Variants in CHCHD6 observed in about 807,000 individuals in gnomAD.
CHCHD6 encodes the protein coiled-coil-helix-coiled-coil-helix domain containing 6.
A neutral mutation model predicts 32.3 loss-of-function variants in CHCHD6; 28 were observed. The observed-to-expected ratio is 0.87, with a 90% CI of 0.64 to 1.19. CHCHD6 has a LOEUF of 1.19. Among genes scored for constraint, CHCHD6 ranks in the 50% most tolerant of loss-of-function variants. The pLI is 0.00. For missense variants in CHCHD6, 333 were observed against 307.0 expected (o/e 1.08, Z -0.63); for synonymous variants, 122 against 117.5 (o/e 1.04, Z -0.25).
chr3:126,931,622 G>C (rs574077691), intron 6 of CHCHD6, among the ~76,000 whole-genome samples: 1 of 152,262 alleles, frequency 6.6e-6, no homozygotes, highest in East Asian at 1.9e-4. Context: ...GGTCATTTTA[G>C]GTAGACATGC....
intron 5 of CHCHD6, among the ~76,000 whole-genome samples, chr3:126,901,110 A>C (rs2077920650): frequency 6.6e-6 from 1 of 152,216 alleles, no homozygotes; most frequent in African/African-American, 2.4e-5. Flanking sequence ...GGCACAGAGC[A>C]GGTGCTGAAA....
intron 4 of CHCHD6, among the ~76,000 whole-genome samples, chr3:126,743,010 C>T (rs531028975): frequency 1.3e-5 from 2 of 152,036 alleles, no homozygotes; most frequent in Admixed American, 1.3e-4. Context: ...GGAGAGGTGC[C>T]TGGGGGAGGG....
chr3:126,805,580 T>C (rs1245984870), intron 4 of CHCHD6, among the ~76,000 whole-genome samples: 1 of 152,198 alleles, frequency 6.6e-6, no homozygotes, highest in Non-Finnish European at 1.5e-5. Context: ...GAACATTCCA[T>C]GCTCATGGAT....
At chr3:126,821,846 G>T (rs939077249) in intron 4 of CHCHD6, among the ~76,000 whole-genome samples, 3 of 152,116 alleles carry the variant, frequency 2.0e-5, no homozygotes, top group Non-Finnish European at 4.4e-5. Context: ...ATCTTTTCAT[G>T]TGCTTATTGA....
chr3:126,957,945 T>G (rs4679312), intron 7 of CHCHD6: 1 of 339,348 alleles, frequency 2.9e-6, no homozygotes, highest in South Asian at 2.7e-5. Context: ...CCAGCAAGGA[T>G]AGGCCATCTG....
Position 126,878,761 on chromosome 3 carries a change from C to G in CHCHD6, c.495+26031C>G, listed in dbSNP as rs538350047. 2.0e-5 allele frequency among the ~76,000 whole-genome samples: 3 copies of G among 152,254 alleles called. No homozygotes were observed. In the South Asian group the frequency reaches 6.2e-4, roughly 32 times the overall value. The stretch of plus-strand genomic sequence containing the variant: ...ATAATCACAGGTCTTGTAGCATCAC[C>G]CTTCAGATTATGTATTATAGCAGGG... On this transcript the variant is annotated intron_variant, in intron 5 of 7. Coordinates refer to ENST00000290913, the MANE Select transcript of CHCHD6 (RefSeq NM_032343.3).
intron 4 of CHCHD6, among the ~76,000 whole-genome samples, chr3:126,762,252 A>G (rs190176655): frequency 4.6e-5 from 7 of 152,100 alleles, no homozygotes; most frequent in African/African-American, 1.7e-4. Flanking sequence ...TTAGTTTGAG[A>G]TCTTTCTTGT....
At chr3:126,869,754 A>G (rs1006165674) in intron 5 of CHCHD6, among the ~76,000 whole-genome samples, 1 of 152,158 alleles carries the variant, frequency 6.6e-6, no homozygotes, top group Non-Finnish European at 1.5e-5. Context: ...GCATTTAGAT[A>G]TTTAAAATCT....
intron 1 of CHCHD6, among the ~76,000 whole-genome samples, chr3:126,725,018 C>T (rs996577987): frequency 2.6e-5 from 4 of 152,188 alleles, no homozygotes; most frequent in Non-Finnish European, 4.4e-5. Flanking sequence ...GGGTTGGAAT[C>T]TACTTCTTTT....
chr3:126,945,697 GCGGGGAGACT>G lies in CHCHD6; in HGVS notation c.567-11706_567-11697del, dbSNP rs142540165. 7.4e-3 allele frequency among the ~76,000 whole-genome samples: 1,053 copies of G among 142,822 alleles called. 18 individuals are homozygous for G. The highest frequency in any genetic ancestry group is 0.027 in the African/African-American group (1,003 of 37,072). The allele number at this position is 142,822 out of a possible 152,430, so 93.7% of individuals were successfully genotyped here. A position where few individuals can be genotyped will look rare whatever the true frequency, so the allele number is the denominator to read the frequency against. ...TTGGGAGATTCGGGGGAAGACTCAA[GCGGGGAGACT>G]CGGGGAGACTCGAGTAGGGAGACAT... is the stretch of plus-strand genomic sequence containing the variant. On this transcript the variant is annotated intron_variant, in intron 6 of 7. Transcript: ENST00000290913.
chr3:126,898,573 T>C (rs1391025849), intron 5 of CHCHD6, among the ~76,000 whole-genome samples: 2 of 152,224 alleles, frequency 1.3e-5, no homozygotes, highest in Non-Finnish European at 1.5e-5. Context: ...TTTCTCGCTC[T>C]TGTTCCCCAG....
chr3:126,746,157 G>A (rs749796092), intron 4 of CHCHD6, among the ~76,000 whole-genome samples: 8 of 152,176 alleles, frequency 5.3e-5, no homozygotes, highest in Non-Finnish European at 1.2e-4. Context: ...CTCTGAGGCC[G>A]CTGGGACTAG....
chr3:126,882,015 T>C (rs2077617313), intron 5 of CHCHD6, among the ~76,000 whole-genome samples: 2 of 152,186 alleles, frequency 1.3e-5, no homozygotes, highest in African/African-American at 4.8e-5. Context: ...GCCCAGGAGT[T>C]CAGATGTCCT....
chr3:126,753,695 C>T (rs1260392606), intron 4 of CHCHD6, among the ~76,000 whole-genome samples: 3 of 152,234 alleles, frequency 2.0e-5, no homozygotes, highest in East Asian at 1.9e-4. Flanking sequence ...CCCAGAGTTT[C>T]GTGGGCTGCC....
At chr3:126,861,366 C>A (rs1031992558) in intron 5 of CHCHD6, among the ~76,000 whole-genome samples, 1 of 151,992 alleles carries the variant, frequency 6.6e-6, no homozygotes, top group African/African-American at 2.4e-5. Flanking sequence ...TTACTCCTTA[C>A]TGAACTTCAC....
intron 6 of CHCHD6, among the ~76,000 whole-genome samples, chr3:126,933,170 GC>G (rs1276598466): frequency 6.6e-6 from 1 of 152,142 alleles, no homozygotes; most frequent in African/African-American, 2.4e-5. Context: ...TGGAATGGAA[GC>G]CCTACCTGCT....
intron 4 of CHCHD6, among the ~76,000 whole-genome samples, chr3:126,779,447 G>A (rs1001697044): frequency 2.8e-5 from 4 of 144,152 alleles, no homozygotes; most frequent in African/African-American, 7.8e-5. Flanking sequence ...TGAGGCAGGA[G>A]AATCACTTGA....
intron 5 of CHCHD6, among the ~76,000 whole-genome samples, chr3:126,907,023 C>T (rs541056032): frequency 3.3e-5 from 5 of 152,128 alleles, no homozygotes; most frequent in Non-Finnish European, 7.4e-5. Context: ...GCTGGGGGTA[C>T]ATATGCCCAG....
At chr3:126,737,390 GTATA>G (rs60896630) in intron 4 of CHCHD6, among the ~76,000 whole-genome samples, 10,299 of 132,556 alleles carry the variant, frequency 0.078, 904 homozygotes, top group African/African-American at 0.23. Flanking sequence ...TGATGTGTGA[GTATA>G]TATATATATA....
Sources: gnomAD v4.1 joint callset for allele counts (sites outside exome capture counted in the v4.1 genomes callset) on GRCh38, gnomAD v4.1.1 for gene constraint, MANE v1.5 for transcripts, NCBI Gene and HGNC (gene_info 2026-07-23, HGNC 2026-07-21) for gene names.